Variants in PEX14 observed in about 807,000 individuals in gnomAD.
PEX14 encodes peroxisomal membrane protein PEX14.
PEX14 carries 15 observed loss-of-function variants against 49.5 expected under a neutral mutation model. The observed-to-expected ratio is 0.30, with a 90% CI of 0.20 to 0.47. PEX14 has a LOEUF of 0.47. Ranked by LOEUF, PEX14 falls within the 20% of genes least tolerant of loss-of-function variation. PEX14 has a pLI of 1.00. For synonymous variants in PEX14, 210 were observed against 212.7 expected, an observed-to-expected ratio of 0.99 and a Z score of 0.11; for missense variants, 398 against 494.8, an observed-to-expected ratio of 0.80 and a Z score of 1.86.
chr1:10,482,406 A>G (rs891828615), intron 1 of PEX14, among the ~76,000 whole-genome samples: 4 of 149,918 alleles, frequency 2.7e-5, no homozygotes, highest in Non-Finnish European at 5.9e-5. Context: ...GTGGGATTAT[A>G]GGCGTGAGCC....
At chr1:10,501,518 G>T (rs985059921) in intron 2 of PEX14, among the ~76,000 whole-genome samples, 14 of 152,032 alleles carry the variant, frequency 9.2e-5, no homozygotes, top group Admixed American at 7.9e-4. Flanking sequence ...AGCCAGGATG[G>T]TCTCAATCTC....
chr1:10,477,712 A>G (rs1007325837), intron 1 of PEX14, among the ~76,000 whole-genome samples: 3 of 152,166 alleles, frequency 2.0e-5, no homozygotes, highest in African/African-American at 7.2e-5. Flanking sequence ...AGCGGTTACA[A>G]GTATAGGCTC....
chr1:10,551,038 T>C (rs897323392), intron 3 of PEX14, among the ~76,000 whole-genome samples: 1 of 152,168 alleles, frequency 6.6e-6, no homozygotes, highest in Non-Finnish European at 1.5e-5. Flanking sequence ...GTTGACTTTG[T>C]TGTTCTGTAT....
intron 3 of PEX14, among the ~76,000 whole-genome samples, chr1:10,560,066 T>C (rs6700886): frequency 0.73 from 110,586 of 151,704 alleles, 41,453 homozygotes; most frequent in Non-Finnish European, 0.82. Flanking sequence ...TCTATTTTTT[T>C]TTTTTTTTGA....
chr1:10,627,363 G>A lies in PEX14; in HGVS notation c.677G>A (p.Arg226Gln), dbSNP rs1253995118. 4 of 1,598,760 alleles carry A rather than the reference G, an allele frequency of 2.5e-6. No individual in the cohort carries two copies. Among genetic ancestry groups the A allele is most frequent in the Non-Finnish European group, 1.7e-6 (2 of 1,166,304 alleles). The change falls in exon 8 of 9, where the codon CGG becomes CAG. Residue 226 changes from arginine to glutamine, a missense_variant and splice_region_variant. Transcript: ENST00000356607. ...TCCTTGAAAGGGCTTCTTTTAAATC[G>A]GTAGGAGGGAGGAATGGGGACCCTG... is the stretch of plus-strand genomic sequence containing the variant. ...INSLKGLLLNRRQFPPSPSAP... is the reference protein window; with the variant it reads ...INSLKGLLLNQRQFPPSPSAP...
chr1:10,499,715 G>C (rs2124411585), intron 2 of PEX14, among the ~76,000 whole-genome samples: 1 of 152,194 alleles, frequency 6.6e-6, no homozygotes. Context: ...CCAAAGTGCT[G>C]GGATTACAGG....
At chr1:10,622,939 T>C (rs920706293) in intron 5 of PEX14, 80 bp from the exon 6 acceptor site, 5 of 966,670 alleles carry the variant, frequency 5.2e-6, no homozygotes, top group Non-Finnish European at 8.2e-6. Context: ...AGGGAGAAAG[T>C]TGGGCGGCAG....
chr1:10,500,932 T>C (rs540936881), intron 2 of PEX14, among the ~76,000 whole-genome samples: 4 of 152,234 alleles, frequency 2.6e-5, no homozygotes, highest in Admixed American at 1.3e-4. Flanking sequence ...CACTCATGTA[T>C]GCATGTGTAT....
chr1:10,479,285 G>A lies in PEX14; in HGVS notation c.36+4283G>A, dbSNP rs188997414. Reference sequence around the variant, plus strand: ...CCAGCTACTTTGGAGGCTGAGGTGAGAGCATCACTTGGGCCTGGGAGGTTG... The same window carrying A: ...CCAGCTACTTTGGAGGCTGAGGTGAAAGCATCACTTGGGCCTGGGAGGTTG... On this transcript the variant is annotated intron_variant, in intron 1 of 8. Coordinates refer to ENST00000356607, the MANE Select transcript of PEX14 (RefSeq NM_004565.3). Among the ~76,000 whole-genome samples the A allele has an allele frequency of 2.2e-4, 34 of 152,266 alleles. No individual in the cohort carries two copies. In the East Asian group the frequency reaches 5.6e-3, roughly 25 times the overall value.
chr1:10,477,075 C>CTT (rs573516670), intron 1 of PEX14, among the ~76,000 whole-genome samples: 4 of 143,880 alleles, frequency 2.8e-5, no homozygotes, highest in African/African-American at 5.1e-5. Context: ...TTGAACTTTT[C>CTT]TTTTTTTTTT....
At chr1:10,563,780 C>T (rs184113418) in intron 3 of PEX14, among the ~76,000 whole-genome samples, 36 of 151,326 alleles carry the variant, frequency 2.4e-4, no homozygotes, top group African/African-American at 8.0e-4. Flanking sequence ...GGCATGGTGG[C>T]GGGTGCCTGT....
chr1:10,598,415 C>T lies in PEX14; in HGVS notation c.170-823C>T, dbSNP rs368160696. 7.6e-4 allele frequency among the ~76,000 whole-genome samples: 115 copies of T among 152,298 alleles called. 1 individual carries two copies. Among genetic ancestry groups the T allele is most frequent in the African/African-American group, 2.1e-3 (88 of 41,566 alleles). ...CCCGGTGGAAATATCCCAGCTGTGTCCCCACTGGAAATGCGGCCTTCATGG... is the reference window on the plus strand; with the variant it reads ...CCCGGTGGAAATATCCCAGCTGTGTTCCCACTGGAAATGCGGCCTTCATGG... On this transcript the variant is annotated intron_variant, in intron 3 of 8. Transcript: ENST00000356607.
intron 4 of PEX14, among the ~76,000 whole-genome samples, chr1:10,617,855 G>A (rs767150548): frequency 4.6e-5 from 7 of 151,802 alleles, no homozygotes; most frequent in African/African-American, 7.3e-5. Context: ...CCCACCCAGC[G>A]TACCACGGTC....
At chr1:10,491,713 C>G (rs974394678) in intron 1 of PEX14, among the ~76,000 whole-genome samples, 1 of 125,132 alleles carries the variant, frequency 8.0e-6, no homozygotes, top group Non-Finnish European at 1.6e-5. Context: ...CAGAGTCTCA[C>G]TCTGTCACCT....
chr1:10,572,130 C>A (rs574711799), intron 3 of PEX14, among the ~76,000 whole-genome samples: 1 of 152,240 alleles, frequency 6.6e-6, no homozygotes, highest in South Asian at 2.1e-4. Context: ...TGTTAAACTG[C>A]TTACTAGATT....
intron 4 of PEX14, among the ~76,000 whole-genome samples, chr1:10,603,062 G>C (rs1033147472): frequency 1.3e-5 from 2 of 152,206 alleles, no homozygotes; most frequent in Admixed American, 6.5e-5. Flanking sequence ...TGGCCCACCT[G>C]CTCAGTGGCA....
chr1:10,498,148 C>T (rs1641603427), intron 2 of PEX14, among the ~76,000 whole-genome samples: 1 of 152,142 alleles, frequency 6.6e-6, no homozygotes, highest in South Asian at 2.1e-4. Context: ...GGCTTGGTGC[C>T]TCATGCCTAT....
At chr1:10,550,877 T>C (rs766467087) in intron 3 of PEX14, among the ~76,000 whole-genome samples, 1 of 152,214 alleles carries the variant, frequency 6.6e-6, no homozygotes, top group Non-Finnish European at 1.5e-5. Flanking sequence ...TACCTTTTCA[T>C]ATACATTTCA....
In PEX14 at chr1:10,563,768, C is replaced by T. The variant is rs373948607; in HGVS notation, c.169+27471C>T. On this transcript the variant is annotated intron_variant, in intron 3 of 8. Transcript: ENST00000356607. Reference sequence around the variant, plus strand: ...TCTACTAAAAATGCAAAAAATTAGCCGGGCATGGTGGCGGGTGCCTGTAGT... The same window carrying T: ...TCTACTAAAAATGCAAAAAATTAGCTGGGCATGGTGGCGGGTGCCTGTAGT... Among the ~76,000 whole-genome samples, 63 of 151,802 alleles carry T rather than the reference C, an allele frequency of 4.2e-4. 1 individual carries two copies. The South Asian group carries it at 8.3e-3, about 20-fold the overall frequency.
Sources: allele counts gnomAD v4.1 joint callset (sites outside exome capture counted in the v4.1 genomes callset), GRCh38; gene constraint gnomAD v4.1.1; transcripts MANE v1.5; gene names NCBI Gene and HGNC (gene_info 2026-07-23, HGNC 2026-07-21).